CMIP: variants seen among roughly 807,000 people sequenced by gnomAD.
CMIP encodes c-Maf inducing protein.
Under a neutral mutation model 97.3 loss-of-function variants are expected in CMIP, and 13 were observed. The ratio of observed to expected loss-of-function variants is 0.13; its 90% CI spans 0.09 to 0.21. The LOEUF (loss-of-function observed/expected upper bound fraction) is 0.21. Ranked by LOEUF, CMIP falls within the 10% of genes least tolerant of loss-of-function variation. The pLI is 1.00. For synonymous variants in CMIP, 538 were observed against 436.3 expected (o/e 1.23, Z -2.91); for missense variants, 847 against 1,024.9 (o/e 0.83, Z 2.37).
chr16:81,486,363 A>T (rs1250289350), intron 1 of CMIP, among the ~76,000 whole-genome samples: 4 of 152,190 alleles, frequency 2.6e-5, no homozygotes, highest in African/African-American at 9.7e-5. Context: ...GGTAGATATG[A>T]TCGCGCCCAT....
At chr16:81,537,931 G>A (rs1354592864) in intron 1 of CMIP, among the ~76,000 whole-genome samples, 2 of 152,362 alleles carry the variant, frequency 1.3e-5, no homozygotes, top group East Asian at 3.9e-4. Context: ...AGCCCTGGGT[G>A]CAGAGTCTTG....
chr16:81,657,843 C>T, intron 5 of CMIP, 27 bp downstream of exon 5: 2 of 1,582,186 alleles, frequency 1.3e-6, no homozygotes, highest in Non-Finnish European at 1.7e-6. Flanking sequence ...CACGCTCCCT[C>T]CACCCACCTC....
chr16:81,601,795 G>A (rs6564897), intron 1 of CMIP, among the ~76,000 whole-genome samples: 33,220 of 152,028 alleles, frequency 0.22, 4,274 homozygotes, highest in East Asian at 0.46. Context: ...ATACCCTCTG[G>A]GCACCGTCAC....
chr16:81,626,827 T>G, intron 3 of CMIP, among the ~76,000 whole-genome samples: 5 of 121,834 alleles, frequency 4.1e-5, no homozygotes, highest in Admixed American at 1.7e-4. Flanking sequence ...GGGGTGCATA[T>G]GGGGTGACTA....
At chr16:81,521,210 C>T (rs746612004) in intron 1 of CMIP, among the ~76,000 whole-genome samples, 5 of 152,236 alleles carry the variant, frequency 3.3e-5, no homozygotes, top group Non-Finnish European at 5.9e-5. Context: ...CTTTCAGCCC[C>T]GAGGCCTTTC....
Position 81,627,617 on chromosome 16 carries a change from C to A in CMIP, c.477+6691C>A, listed in dbSNP as rs1166895825. Among the ~76,000 whole-genome samples, 4 of 144,854 alleles carry A rather than the reference C, an allele frequency of 2.8e-5. No individual in the cohort carries two copies. The highest frequency in any genetic ancestry group is 6.1e-5 in the Non-Finnish European group (4 of 65,474). ...CCCGGCTCTGGCCACGGAGTGTCCC[C>A]TGTGTCCAGCACTATGTGCCCCTGT... On this transcript the variant is annotated intron_variant, in intron 3 of 20. Transcript: ENST00000537098. This position sits in a 1 kb window ranked among gnomAD's most constrained non-coding sequence, Gnocchi z 4.6.
intron 1 of CMIP, among the ~76,000 whole-genome samples, chr16:81,481,288 C>T (rs576050495): frequency 2.0e-5 from 3 of 152,274 alleles, no homozygotes; most frequent in Non-Finnish European, 4.4e-5. Flanking sequence ...CTGGGTGTGC[C>T]GGGCCCTGTC....
chr16:81,449,937 C>G (rs1157767134), intron 1 of CMIP, among the ~76,000 whole-genome samples: 1 of 152,224 alleles, frequency 6.6e-6, no homozygotes, highest in Non-Finnish European at 1.5e-5. Flanking sequence ...CAACATCATG[C>G]CAGTCCAGGT....
intron 1 of CMIP, among the ~76,000 whole-genome samples, chr16:81,498,637 T>C (rs1287053521): frequency 1.3e-5 from 2 of 152,170 alleles, no homozygotes; most frequent in African/African-American, 4.8e-5. Flanking sequence ...CTGCACACAC[T>C]TGCATACCCC....
At chr16:81,566,327 C>A (rs147787796) in intron 1 of CMIP, among the ~76,000 whole-genome samples, 1 of 152,224 alleles carries the variant, frequency 6.6e-6, no homozygotes, top group Admixed American at 6.5e-5. Flanking sequence ...GGGGACACAT[C>A]GGGTTCCTTG....
chr16:81,544,838 A>G (rs1214949566), intron 1 of CMIP, among the ~76,000 whole-genome samples: 2 of 152,040 alleles, frequency 1.3e-5, no homozygotes, highest in African/African-American at 4.8e-5. Context: ...GTGTGCGTGC[A>G]TGGAGGGCTC....
intron 1 of CMIP, among the ~76,000 whole-genome samples, chr16:81,572,491 G>A (rs1024148566): frequency 2.0e-5 from 3 of 152,214 alleles, no homozygotes; most frequent in African/African-American, 7.2e-5. Flanking sequence ...GTGAGTGGAC[G>A]GGGCCAGTGT....
At chr16:81,471,578 T>TAC (rs59971597) in intron 1 of CMIP, among the ~76,000 whole-genome samples, 16,122 of 151,552 alleles carry the variant, frequency 0.11, 962 homozygotes, top group African/African-American at 0.16. Flanking sequence ...CATACACAAA[T>TAC]ACACACACAC....
intron 1 of CMIP, among the ~76,000 whole-genome samples, chr16:81,502,641 G>A (rs1365684969): frequency 6.6e-6 from 1 of 152,212 alleles, no homozygotes; most frequent in East Asian, 1.9e-4. Context: ...GGGAAATGAA[G>A]TCACATCCAA....
chr16:81,484,616 C>T (rs371615897), intron 1 of CMIP, among the ~76,000 whole-genome samples: 3 of 152,104 alleles, frequency 2.0e-5, no homozygotes, highest in African/African-American at 4.8e-5. Flanking sequence ...TAATCATCTC[C>T]GGCTCTCTGC....
In CMIP at chr16:81,444,833, C is replaced by G. The variant is rs1338813805; in HGVS notation, c.-409C>G. ...ACTCTCGCCCGGACGGCCGCGCGGA[C>G]ACACGCTCTGTACACACGCGCGCGG... On this transcript the variant is annotated 5_prime_UTR_variant, in exon 1 of 21. Transcript: ENST00000537098. Among the ~76,000 whole-genome samples the G allele has an allele frequency of 6.9e-6, 1 of 145,062 alleles. No individual in the cohort carries two copies. Among genetic ancestry groups the G allele is most frequent in the Admixed American group, 6.8e-5 (1 of 14,698 alleles).
At chr16:81,539,554 G>T (rs897312475) in intron 1 of CMIP, among the ~76,000 whole-genome samples, 13 of 152,172 alleles carry the variant, frequency 8.5e-5, no homozygotes, top group African/African-American at 3.1e-4. Flanking sequence ...TTCTGATCAG[G>T]ACTACAGGGC....
chr16:81,508,208 T>G (rs1340118277), intron 1 of CMIP, among the ~76,000 whole-genome samples: 3 of 152,240 alleles, frequency 2.0e-5, no homozygotes, highest in Non-Finnish European at 4.4e-5. Context: ...GCTCAGGAAA[T>G]CTATAAGGAA....
intron 1 of CMIP, among the ~76,000 whole-genome samples, chr16:81,504,688 C>T (rs563656023): frequency 3.2e-4 from 47 of 148,940 alleles, no homozygotes; most frequent in African/African-American, 9.9e-4. Flanking sequence ...AAAAAATGGC[C>T]GGTGGGCCTG....
Sources: gnomAD v4.1 joint callset for allele counts (sites outside exome capture counted in the v4.1 genomes callset) on GRCh38, gnomAD v4.1.1 for gene constraint, Gnocchi (gnomAD v3.1) non-coding constraint, MANE v1.5 for transcripts, NCBI Gene and HGNC (gene_info 2026-07-23, HGNC 2026-07-21) for gene names.